Variants in CTNNBL1 observed in about 807,000 individuals in gnomAD.
CTNNBL1 encodes catenin beta like 1.
CTNNBL1 carries 31 observed loss-of-function variants against 72.7 expected under a neutral mutation model. The observed-to-expected ratio is 0.43, with a 90% CI of 0.32 to 0.58. CTNNBL1 has a LOEUF of 0.58. CTNNBL1 is among the 20% of genes least tolerant of loss of function. The probability of loss-of-function intolerance (pLI) is 0.08; values close to 1 mark genes in which losing one functional copy is unlikely to be tolerated. For missense variants in CTNNBL1, 534 were observed against 725.1 expected (o/e 0.74, Z 3.03); for synonymous variants, 240 against 267.3 (o/e 0.90, Z 1.00).
At chr20:37,829,477 A>T (rs1304402908) in intron 11 of CTNNBL1, among the ~76,000 whole-genome samples, 1 of 152,176 alleles carries the variant, frequency 6.6e-6, no homozygotes, top group Non-Finnish European at 1.5e-5. Flanking sequence ...ATGCCAGGCC[A>T]TTGGGATGAT....
intron 5 of CTNNBL1, among the ~76,000 whole-genome samples, chr20:37,758,545 TC>T: frequency 6.6e-6 from 1 of 152,288 alleles, no homozygotes; most frequent in Admixed American, 6.5e-5. Context: ...TGCCCCAGAT[TC>T]CCCAGTTCAC....
At chr20:37,854,291 C>G (rs552781696) in intron 13 of CTNNBL1, among the ~76,000 whole-genome samples, 50 of 152,218 alleles carry the variant, frequency 3.3e-4, no homozygotes, top group African/African-American at 1.2e-3. Context: ...TGGAAAAAAT[C>G]ACCAGGGGTA....
intron 10 of CTNNBL1, 78 bp from the exon 11 acceptor site, chr20:37,802,789 C>A: frequency 8.4e-7 from 1 of 1,191,816 alleles, no homozygotes; most frequent in Non-Finnish European, 1.2e-6. Flanking sequence ...ATGTGTACGG[C>A]AGCAAATACC....
intron 10 of CTNNBL1, among the ~76,000 whole-genome samples, chr20:37,786,262 G>T (rs576120675): frequency 2.9e-3 from 447 of 152,228 alleles, no homozygotes; most frequent in Non-Finnish European, 5.3e-3. Flanking sequence ...CCACTGCCTG[G>T]CTGCTGCCTG....
chr20:37,849,910 G>A (rs189372482), intron 13 of CTNNBL1, among the ~76,000 whole-genome samples: 139 of 152,342 alleles, frequency 9.1e-4, no homozygotes, highest in Non-Finnish European at 1.6e-3. Context: ...ATTGTGGGGC[G>A]GATTAAGTAA....
At chr20:37,840,377 A>C (rs1017778947) in intron 12 of CTNNBL1, among the ~76,000 whole-genome samples, 178 bp downstream of exon 12, 1 of 152,116 alleles carries the variant, frequency 6.6e-6, no homozygotes, top group African/African-American at 2.4e-5. Flanking sequence ...TTCATCTCCA[A>C]ATGCATTCTC....
chr20:37,782,565 A>T (rs186086227), intron 10 of CTNNBL1, among the ~76,000 whole-genome samples: 1 of 152,346 alleles, frequency 6.6e-6, no homozygotes, highest in Admixed American at 6.5e-5. Flanking sequence ...AGGTAATTTT[A>T]CATTTTGTAG....
At chr20:37,804,553 T>C (rs1207738704) in intron 11 of CTNNBL1, among the ~76,000 whole-genome samples, 1 of 152,152 alleles carries the variant, frequency 6.6e-6, no homozygotes, top group Non-Finnish European at 1.5e-5. Context: ...AGTGGACTAG[T>C]GAACTAGAAG....
intron 4 of CTNNBL1, among the ~76,000 whole-genome samples, chr20:37,755,386 G>A (rs748182436): frequency 2.1e-4 from 32 of 152,130 alleles, no homozygotes; most frequent in Non-Finnish European, 4.0e-4. Flanking sequence ...TGTGTGTTTC[G>A]GTTTACTCTG....
At chr20:37,786,562 A>AT (rs558505753) in intron 10 of CTNNBL1, among the ~76,000 whole-genome samples, 268 of 152,298 alleles carry the variant, frequency 1.8e-3, no homozygotes, top group Non-Finnish European at 3.2e-3. Flanking sequence ...ATATATATAT[A>AT]TATGCATATA....
intron 13 of CTNNBL1, among the ~76,000 whole-genome samples, chr20:37,844,185 C>G (rs2072328157): frequency 6.6e-6 from 1 of 152,148 alleles, no homozygotes; most frequent in Admixed American, 6.5e-5. Context: ...GAACTCCAGC[C>G]CTGACAGAAT....
intron 1 of CTNNBL1, among the ~76,000 whole-genome samples, chr20:37,699,995 A>G (rs2072826136): frequency 6.6e-6 from 1 of 151,780 alleles, no homozygotes; most frequent in African/African-American, 2.4e-5. Flanking sequence ...TAAGTACGCG[A>G]CTCTCTCTGA....
At chr20:37,772,715 A>C (rs1416588285) in intron 7 of CTNNBL1, among the ~76,000 whole-genome samples, 1 of 152,196 alleles carries the variant, frequency 6.6e-6, no homozygotes, top group Non-Finnish European at 1.5e-5. Context: ...CCAAGGTTCT[A>C]GAGTAATTAT....
At chr20:37,778,943 G>A (rs1409153760) in intron 9 of CTNNBL1, among the ~76,000 whole-genome samples, 1 of 151,424 alleles carries the variant, frequency 6.6e-6, no homozygotes, top group Non-Finnish European at 1.5e-5. Context: ...TGCTTGCCTG[G>A]AACTGTCAAT....
At chr20:37,750,605 C>G (rs1285898125) in intron 4 of CTNNBL1, 1 of 151,834 alleles carries the variant, frequency 6.6e-6, no homozygotes, top group Non-Finnish European at 1.5e-5. Flanking sequence ...TCAGTTGGCC[C>G]AAAGGAACAA....
intron 6 of CTNNBL1, among the ~76,000 whole-genome samples, chr20:37,766,996 C>T (rs1440461888): frequency 6.6e-6 from 1 of 152,194 alleles, no homozygotes; most frequent in Admixed American, 6.5e-5. Context: ...GCTCCCACAG[C>T]TTCGTGCTTC....
At chr20:37,756,691 G>A (rs149233953) in intron 4 of CTNNBL1, among the ~76,000 whole-genome samples, 5,201 of 139,298 alleles carry the variant, frequency 0.037, 296 homozygotes, top group African/African-American at 0.13. Flanking sequence ...AGGCTGGAGT[G>A]CAGTGACACG....
intron 15 of CTNNBL1, among the ~76,000 whole-genome samples, chr20:37,867,423 C>G (rs1448640540): frequency 2.0e-5 from 3 of 152,124 alleles, no homozygotes; most frequent in African/African-American, 7.2e-5. Context: ...CCCTCTCCCT[C>G]TCAACATAAA....
At chr20:37,781,717 C>G (rs1424911009) in intron 10 of CTNNBL1, among the ~76,000 whole-genome samples, 2 of 152,110 alleles carry the variant, frequency 1.3e-5, no homozygotes, top group Admixed American at 1.3e-4. Flanking sequence ...CTAGTAAGAG[C>G]TGCCAGGTGG....
Sources: allele counts gnomAD v4.1 joint callset (sites outside exome capture counted in the v4.1 genomes callset), GRCh38; gene constraint gnomAD v4.1.1; transcripts MANE v1.5; gene names NCBI Gene and HGNC (gene_info 2026-07-23, HGNC 2026-07-21).